STAMBP: variants seen among roughly 807,000 people sequenced by gnomAD.
STAMBP encodes the protein STAM binding protein.
In STAMBP, 31 loss-of-function variants were observed where a neutral mutation model predicts 50.7. The ratio of observed to expected loss-of-function variants is 0.61; its 90% CI spans 0.46 to 0.83. The LOEUF (loss-of-function observed/expected upper bound fraction) is 0.83, where lower values mean the gene tolerates loss of function less well. STAMBP is among the 40% of genes least tolerant of loss of function. The pLI, the probability that STAMBP is intolerant of heterozygous loss-of-function variation, is 0.00. For synonymous variants in STAMBP, 211 were observed against 192.4 expected (o/e 1.10, Z -0.80); for missense variants, 472 against 518.9 (o/e 0.91, Z 0.88).
chr2:73,841,795 C>T (rs1243345222), intron 2 of STAMBP, among the ~76,000 whole-genome samples: 1 of 152,120 alleles, frequency 6.6e-6, no homozygotes, highest in Non-Finnish European at 1.5e-5. Context: ...CAGAGCCAGC[C>T]CTACTAACCA....
intron 2 of STAMBP, among the ~76,000 whole-genome samples, chr2:73,832,713 T>C (rs909919082): frequency 4.6e-5 from 7 of 152,222 alleles, no homozygotes; most frequent in Non-Finnish European, 8.8e-5. Context: ...ACAGAATGTT[T>C]AGCAGCATCC....
intron 7 of STAMBP, 93 bp from the exon 8 acceptor site, chr2:73,859,161 G>C: frequency 1.1e-6 from 1 of 923,844 alleles, no homozygotes; most frequent in South Asian, 1.4e-5. Context: ...CAGTTGATAT[G>C]GATAGCTTTA....
At chr2:73,853,853 C>T (rs1677194030) in intron 7 of STAMBP, among the ~76,000 whole-genome samples, 1 of 152,186 alleles carries the variant, frequency 6.6e-6, no homozygotes, top group African/African-American at 2.4e-5. Flanking sequence ...TCCTCCCTTC[C>T]TTGCTTCGTT....
intron 2 of STAMBP, among the ~76,000 whole-genome samples, chr2:73,843,406 G>GTGTGTGTATATATATATA (rs1458780751): frequency 7.7e-6 from 1 of 129,962 alleles, no homozygotes; most frequent in African/African-American, 3.3e-5. Context: ...GTTTGTGTAT[G>GTGTGTGTATATATATATA]TATATATATA....
intron 8 of STAMBP, 33 bp downstream of exon 8, chr2:73,859,399 A>G: frequency 6.4e-7 from 1 of 1,556,788 alleles, no homozygotes; most frequent in Middle Eastern, 1.7e-4. Context: ...TGGGTGTTTC[A>G]AGGGGGTAGT....
At chr2:73,834,531 GTT>G (rs1403638295) in intron 2 of STAMBP, among the ~76,000 whole-genome samples, 1 of 151,926 alleles carries the variant, frequency 6.6e-6, no homozygotes, top group Non-Finnish European at 1.5e-5. Flanking sequence ...TCATCTTCAT[GTT>G]GAGTAGGCTG....
intron 5 of STAMBP, among the ~76,000 whole-genome samples, chr2:73,848,027 A>C (rs914439696): frequency 6.6e-6 from 1 of 152,222 alleles, no homozygotes; most frequent in African/African-American, 2.4e-5. Context: ...AGAATGTGCC[A>C]AACCGAATTC....
At chr2:73,859,530 T>C (rs938755884) in intron 8 of STAMBP, among the ~76,000 whole-genome samples, 164 bp downstream of exon 8, 2 of 152,188 alleles carry the variant, frequency 1.3e-5, no homozygotes, top group African/African-American at 4.8e-5. Context: ...CATATCATGA[T>C]TTATCTATCA....
Position 73,863,309 on chromosome 2 carries a change from C to G in STAMBP, c.*1050C>G, listed in dbSNP as rs1678555263. ...ACGCTTGAAGCAGCAATTGTTACTG[C>G]AATTTTCTGTGAGCTGAGCCTGGTG... On this transcript the variant is annotated 3_prime_UTR_variant, in exon 10 of 10. Transcript: ENST00000394070. 6.6e-6 allele frequency: 1 copy of G among 152,080 alleles called. No individual in the cohort carries two copies. Among genetic ancestry groups the G allele is most frequent in the African/African-American group, 2.4e-5 (1 of 41,412 alleles). 9.4% of individuals were successfully genotyped at this position (152,080 alleles called of 1,614,324 possible). A position where few individuals can be genotyped will look rare whatever the true frequency, so the allele number is the denominator to read the frequency against.
Position 73,842,512 on chromosome 2 carries a change from T to C in STAMBP, c.204-2301T>C, listed in dbSNP as rs181367154. On this transcript the variant is annotated intron_variant, in intron 2 of 9. Transcript: ENST00000394070. The stretch of plus-strand genomic sequence containing the variant: ...ATAGGCAGGTAAATCATTTACTTAC[T>C]TGTTTTTATAAGTCTTTCTTAAATG... 6.6e-5 allele frequency among the ~76,000 whole-genome samples: 10 copies of C among 152,332 alleles called. No individual in the cohort carries two copies. In the East Asian group the frequency reaches 1.9e-3, roughly 29 times the overall value.
intron 2 of STAMBP, among the ~76,000 whole-genome samples, chr2:73,832,922 C>A (rs1025629218): frequency 2.0e-5 from 3 of 152,174 alleles, no homozygotes; most frequent in African/African-American, 4.8e-5. Context: ...CTGCTATTGT[C>A]TTTTTTATTT....
At chr2:73,854,034 T>C (rs914462225) in intron 7 of STAMBP, among the ~76,000 whole-genome samples, 2 of 152,210 alleles carry the variant, frequency 1.3e-5, no homozygotes, top group Non-Finnish European at 1.5e-5. Context: ...GAACATGTTC[T>C]TATGCCCAAT....
intron 7 of STAMBP, among the ~76,000 whole-genome samples, chr2:73,857,846 T>C (rs1284367713): frequency 2.6e-5 from 4 of 152,188 alleles, no homozygotes. Flanking sequence ...AATCCTCATC[T>C]GTTTAGTTGT....
At chr2:73,835,403 C>T (rs555304688) in intron 2 of STAMBP, among the ~76,000 whole-genome samples, 45 of 151,624 alleles carry the variant, frequency 3.0e-4, no homozygotes, top group African/African-American at 1.1e-3. Context: ...AGGCTGGTCT[C>T]GAACTCCTGG....
chr2:73,845,742 C>T (rs1426456362), intron 4 of STAMBP, among the ~76,000 whole-genome samples: 1 of 151,996 alleles, frequency 6.6e-6, no homozygotes, highest in African/African-American at 2.4e-5. Context: ...AGTGATTCTC[C>T]TACCTCAGCC....
At chr2:73,851,730 C>G (rs1352366627) in intron 7 of STAMBP, among the ~76,000 whole-genome samples, 1 of 151,838 alleles carries the variant, frequency 6.6e-6, no homozygotes, top group East Asian at 1.9e-4. Context: ...ACCTCCACCT[C>G]CCGGATTCAA....
intron 2 of STAMBP, among the ~76,000 whole-genome samples, chr2:73,842,385 G>A (rs184396910): frequency 6.6e-6 from 1 of 152,082 alleles, no homozygotes; most frequent in Non-Finnish European, 1.5e-5. Context: ...GTCTGAGTGA[G>A]TGCAAGTGTA....
intron 2 of STAMBP, among the ~76,000 whole-genome samples, chr2:73,843,191 CTTTTTTT>C (rs34680117): frequency 3.5e-4 from 46 of 129,868 alleles, no homozygotes; most frequent in African/African-American, 6.7e-4. Flanking sequence ...TTATATCTTT[CTTTTTTT>C]TTTTTTTTTT....
chr2:73,847,238 A>G (rs1676225428), intron 4 of STAMBP, 149 bp from the exon 5 acceptor site: 5 of 971,240 alleles, frequency 5.1e-6, no homozygotes, highest in Non-Finnish European at 1.5e-6. Flanking sequence ...GTGGGTATAA[A>G]GATACTGAGG....
Sources: gnomAD v4.1 joint callset for allele counts (sites outside exome capture counted in the v4.1 genomes callset) on GRCh38, gnomAD v4.1.1 for gene constraint, MANE v1.5 for transcripts, NCBI Gene and HGNC (gene_info 2026-07-23, HGNC 2026-07-21) for gene names.